JARID2: variants seen among roughly 807,000 people sequenced by gnomAD.
The protein encoded by JARID2 is protein Jumonji.
A neutral mutation model predicts 125.6 loss-of-function variants in JARID2; 21 were observed. The ratio of observed to expected loss-of-function variants is 0.17; its 90% CI spans 0.12 to 0.24. The LOEUF is 0.24. JARID2 is among the 10% of genes least tolerant of loss of function. The pLI, the probability that JARID2 is intolerant of heterozygous loss-of-function variation, is 1.00. For synonymous variants in JARID2, 736 were observed against 661.6 expected (o/e 1.11, Z -1.73); for missense variants, 1,303 against 1,639.6 (o/e 0.79, Z 3.55).
At chr6:15,300,556 G>C (rs1449322842) in intron 1 of JARID2, among the ~76,000 whole-genome samples, 1 of 152,122 alleles carries the variant, frequency 6.6e-6, no homozygotes, top group African/African-American at 2.4e-5. Context: ...GCAGCCAGGA[G>C]ACTAATGACA....
At chr6:15,431,245 C>T (rs1387430094) in intron 3 of JARID2, among the ~76,000 whole-genome samples, 1 of 152,182 alleles carries the variant, frequency 6.6e-6, no homozygotes, top group Non-Finnish European at 1.5e-5. Context: ...ATCCCATTCC[C>T]TAAATGAGGA....
At chr6:15,506,833 C>T (rs113685265) in intron 9 of JARID2, among the ~76,000 whole-genome samples, 1,736 of 152,220 alleles carry the variant, frequency 0.011, 40 homozygotes, top group African/African-American at 0.04. Context: ...ATGGTATGGA[C>T]GGAGTAGATT....
intron 4 of JARID2, among the ~76,000 whole-genome samples, chr6:15,457,386 A>C (rs537645671): frequency 2.0e-5 from 3 of 152,304 alleles, no homozygotes; most frequent in African/African-American, 7.2e-5. Context: ...GCTGATTCCA[A>C]AGCAAACATA....
At chr6:15,381,460 C>G (rs966488735) in intron 2 of JARID2, among the ~76,000 whole-genome samples, 5 of 151,930 alleles carry the variant, frequency 3.3e-5, no homozygotes, top group Non-Finnish European at 5.9e-5. Context: ...TGAGTTTTCT[C>G]TAACACTCCT....
At chr6:15,260,844 A>G (rs1488041211) in intron 1 of JARID2, among the ~76,000 whole-genome samples, 1 of 152,196 alleles carries the variant, frequency 6.6e-6, no homozygotes, top group African/African-American at 2.4e-5. Context: ...TCTTTCTTCT[A>G]AATGTACTCC....
intron 5 of JARID2, among the ~76,000 whole-genome samples, chr6:15,469,105 T>TG (rs1199775230): frequency 1.3e-5 from 2 of 151,982 alleles, no homozygotes; most frequent in Non-Finnish European, 2.9e-5. Flanking sequence ...ATTCCTCCTA[T>TG]GGAATTGCAC....
At chr6:15,467,526 C>CT (rs34064637) in intron 4 of JARID2, among the ~76,000 whole-genome samples, 6,474 of 134,962 alleles carry the variant, frequency 0.048, 352 homozygotes, top group African/African-American at 0.14. Flanking sequence ...CTATATTGTG[C>CT]TTTTTTTTTT....
At chr6:15,483,835 A>G (rs543791211) in intron 5 of JARID2, among the ~76,000 whole-genome samples, 69 of 152,190 alleles carry the variant, frequency 4.5e-4, no homozygotes, top group Non-Finnish European at 9.0e-4. Context: ...TCTGAAAAGG[A>G]GAAACCATTT....
At chr6:15,467,693 G>A (rs1395581362) in intron 4 of JARID2, among the ~76,000 whole-genome samples, 1 of 152,102 alleles carries the variant, frequency 6.6e-6, no homozygotes, top group Non-Finnish European at 1.5e-5. Context: ...AAAATTAGCT[G>A]GGTGTGGTGG....
At chr6:15,505,530 G>C (rs1390877265) in intron 9 of JARID2, among the ~76,000 whole-genome samples, 1 of 152,180 alleles carries the variant, frequency 6.6e-6, no homozygotes, top group Non-Finnish European at 1.5e-5. Context: ...GGTGGCGTTT[G>C]GTGCCCCACC....
At chr6:15,419,537 T>C (rs1766390386) in intron 3 of JARID2, among the ~76,000 whole-genome samples, 1 of 152,226 alleles carries the variant, frequency 6.6e-6, no homozygotes, top group African/African-American at 2.4e-5. Flanking sequence ...CATTCAGCTT[T>C]TGTATGTCTG....
chr6:15,318,613 C>G (rs575918745), intron 1 of JARID2, among the ~76,000 whole-genome samples: 81 of 152,274 alleles, frequency 5.3e-4, no homozygotes, highest in Non-Finnish European at 9.3e-4. Context: ...GGAGGCACCC[C>G]CCTCCCCTTT....
chr6:15,483,909 T>C (rs190044932), intron 5 of JARID2, among the ~76,000 whole-genome samples: 19 of 152,320 alleles, frequency 1.2e-4, no homozygotes, highest in African/African-American at 4.6e-4. Flanking sequence ...CAGTCATCAT[T>C]ATCCATCTTT....
chr6:15,399,649 T>C (rs1188930396), intron 2 of JARID2, among the ~76,000 whole-genome samples: 1 of 152,242 alleles, frequency 6.6e-6, no homozygotes, highest in East Asian at 1.9e-4. Context: ...ACTTCACTCC[T>C]GAGCAAAGTT....
chr6:15,318,395 A>G (rs535772225), intron 1 of JARID2, among the ~76,000 whole-genome samples: 1 of 152,358 alleles, frequency 6.6e-6, no homozygotes, highest in South Asian at 2.1e-4. Flanking sequence ...AGTTGTCTAC[A>G]TGAAACAGGC....
intron 3 of JARID2, among the ~76,000 whole-genome samples, chr6:15,433,671 G>A (rs1561860064): frequency 6.6e-6 from 1 of 151,986 alleles, no homozygotes; most frequent in Admixed American, 6.6e-5. Flanking sequence ...TGCTTCCCTT[G>A]GCCAGGTCGA....
chr6:15,334,247 GTGC>G (rs1283746202), intron 1 of JARID2, among the ~76,000 whole-genome samples: 1 of 152,174 alleles, frequency 6.6e-6, no homozygotes, highest in Non-Finnish European at 1.5e-5. Context: ...CATTGTCAGT[GTGC>G]TGCATAATGG....
Position 15,500,895 on chromosome 6 carries a change from TCG to T in JARID2, c.1946-10_1946-9del. The stretch of plus-strand genomic sequence containing the variant: ...ACTAACTGTCCCGTTTTTTTCCCCT[TCG>T]CTGTCCCAGGGGGCTGTGAGCTCGA... On this transcript the variant is annotated splice_polypyrimidine_tract_variant and intron_variant, in intron 7 of 17. Transcript: ENST00000341776. The T allele has an allele frequency of 1.3e-6, 2 of 1,579,014 alleles. No homozygotes were observed. The highest frequency in any genetic ancestry group is 1.4e-5 in the African/African-American group (1 of 73,884).
At chr6:15,347,431 T>G (rs569873122) in intron 1 of JARID2, among the ~76,000 whole-genome samples, 1 of 152,320 alleles carries the variant, frequency 6.6e-6, no homozygotes, top group African/African-American at 2.4e-5. Context: ...TCTCAGTATT[T>G]TAACCTTTTA....
Sources: gnomAD v4.1 joint callset for allele counts (sites outside exome capture counted in the v4.1 genomes callset) on GRCh38, gnomAD v4.1.1 for gene constraint, MANE v1.5 for transcripts, NCBI Gene and HGNC (gene_info 2026-07-23, HGNC 2026-07-21) for gene names.